SERHL2: variants seen among roughly 807,000 people sequenced by gnomAD.
SERHL2 encodes serine hydrolase like 2, also known as serine hydrolase-like protein 2.
Under a neutral mutation model 25.5 loss-of-function variants are expected in SERHL2, and 29 were observed. The ratio of observed to expected loss-of-function variants is 1.14; its 90% CI spans 0.85 to 1.55. The LOEUF is 1.55. Ranked by LOEUF, SERHL2 falls within the 40% of genes most tolerant of loss-of-function variation. The pLI is 0.00. For synonymous variants in SERHL2, 95 were observed against 103.5 expected (o/e 0.92, Z 0.50); for missense variants, 240 against 252.3 (o/e 0.95, Z 0.33).
chr22:42,572,510 T>C lies in SERHL2; in HGVS notation c.806T>C (p.Met269Thr), dbSNP rs750325059. ...KESLSFMIDTMKSTLKEQFQF... is the reference protein window; with the variant it reads ...KESLSFMIDTTKSTLKEQFQF... ...TCCCTGTCGTTCATGATAGACACGA[T>C]GAAATCCACCCTCAAAGAGGTAAGA... The change falls in exon 11 of 12, where the codon ATG becomes ACG. Residue 269 changes from methionine to threonine, a missense_variant. By Grantham distance (81) the Met-to-Thr change is moderately conservative (BLOSUM62 -1). Coordinates refer to ENST00000327678, the MANE Select transcript of SERHL2 (RefSeq NM_014509.5). The C allele has an allele frequency of 7.4e-6, 12 of 1,611,664 alleles. No homozygotes were observed. Among genetic ancestry groups the C allele is most frequent in the African/African-American group, 1.3e-5 (1 of 75,026 alleles).
At chr22:42,564,742 G>A (rs964891141) in intron 8 of SERHL2, among the ~76,000 whole-genome samples, 42 of 151,988 alleles carry the variant, frequency 2.8e-4, no homozygotes, top group East Asian at 1.5e-3. Flanking sequence ...GAGGATTTTC[G>A]CATCTGACGG....
rs1007816764 is a variant in SERHL2, at chr22:42,567,589, G to A, written c.648+1251G>A. Among the ~76,000 whole-genome samples, 5 of 151,464 alleles carry A rather than the reference G, an allele frequency of 3.3e-5. 1 individual carries two copies. The highest frequency in any genetic ancestry group is 6.6e-5 in the Admixed American group (1 of 15,222). ...TGAGGCAGGAGAATGGCGTGAACCC[G>A]GGAAGCAGAGCTTGCAGTGAGCCGA... On this transcript the variant is annotated intron_variant, in intron 9 of 11. Coordinates refer to ENST00000327678, the MANE Select transcript of SERHL2 (RefSeq NM_014509.5).
chr22:42,568,525 T>C lies in SERHL2; in HGVS notation c.648+2187T>C, dbSNP rs571429209. Among the ~76,000 whole-genome samples the C allele has an allele frequency of 2.2e-3, 336 of 152,000 alleles. 3 individuals are homozygous for C. Among genetic ancestry groups the C allele is most frequent in the African/African-American group, 7.8e-3 (324 of 41,522 alleles). ...ATGTCTTATGTGACCTGTTCTGTAG[T>C]GGGAGCTGTGATCACCCATAATGCT... On this transcript the variant is annotated intron_variant, in intron 9 of 11. Coordinates refer to ENST00000327678, the MANE Select transcript of SERHL2 (RefSeq NM_014509.5).
In SERHL2 at chr22:42,560,284, C is replaced by T. The variant is rs371875204; in HGVS notation, c.613+19C>T. The T allele has an allele frequency of 3.2e-6, 5 of 1,565,346 alleles. No homozygotes were observed. Among genetic ancestry groups the T allele is most frequent in the African/African-American group, 2.7e-5 (2 of 74,008 alleles). The stretch of plus-strand genomic sequence containing the variant: ...GCCACAGGTAAGGGACTCTACTGTC[C>T]AAGGCCATTTTATATTTGTCACTAT... On this transcript the variant is annotated intron_variant, in intron 8 of 11. Transcript: ENST00000327678.
intron 11 of SERHL2, among the ~76,000 whole-genome samples, chr22:42,573,061 TAGGCAGA>T (rs1924461855): frequency 6.6e-6 from 1 of 151,798 alleles, no homozygotes; most frequent in Non-Finnish European, 1.5e-5. Context: ...GTGCTGGCTG[TAGGCAGA>T]GGTGGCTTTT....
Position 42,568,091 on chromosome 22 carries a change from T to C in SERHL2, c.648+1753T>C, listed in dbSNP as rs568375124. Among the ~76,000 whole-genome samples, 384 of 151,954 alleles carry C rather than the reference T, an allele frequency of 2.5e-3. 2 individuals carry two copies. The highest frequency in any genetic ancestry group is 6.6e-3 in the African/African-American group (275 of 41,536). On this transcript the variant is annotated intron_variant, in intron 9 of 11. Transcript: ENST00000327678. ...CCGGACTGGAGTGCCATGGCTCAAT[T>C]ATGGCTCACACAGCTTCAACCTCCT...
intron 8 of SERHL2, among the ~76,000 whole-genome samples, chr22:42,562,178 C>T (rs555580460): frequency 6.6e-6 from 1 of 151,894 alleles, no homozygotes; most frequent in South Asian, 2.1e-4. Context: ...AGACAGTACC[C>T]AGCCAGAACC....
At chr22:42,556,764 C>T in intron 6 of SERHL2, 176 bp downstream of exon 6, 1 of 842,408 alleles carries the variant, frequency 1.2e-6, no homozygotes, top group Admixed American at 2.9e-5. Context: ...TGCTTATACC[C>T]CTAGCAGTGG....
Position 42,566,498 on chromosome 22 carries a change from T to C in SERHL2, c.648+160T>C, listed in dbSNP as rs570655530. ...GCTTGAATGGGAGGCAGAGGTTGCA[T>C]TGAGCCGAGATAGCACCACTGCACT... On this transcript the variant is annotated intron_variant, in intron 9 of 11. Transcript: ENST00000327678. Among the ~76,000 whole-genome samples the C allele has an allele frequency of 9.9e-5, 15 of 151,486 alleles. 1 individual carries two copies. Among genetic ancestry groups the C allele is most frequent in the East Asian group, 9.7e-4 (5 of 5,148 alleles).
At chr22:42,570,374 C>T (rs572525147) in intron 9 of SERHL2, among the ~76,000 whole-genome samples, 7 of 152,080 alleles carry the variant, frequency 4.6e-5, no homozygotes, top group East Asian at 1.9e-4. Context: ...ACTGAGATCG[C>T]GCCATTGCAT....
intron 8 of SERHL2, among the ~76,000 whole-genome samples, chr22:42,562,199 T>C (rs1922769139): frequency 6.6e-6 from 1 of 151,708 alleles, no homozygotes; most frequent in Non-Finnish European, 1.5e-5. Flanking sequence ...CCCCACCCAG[T>C]GCCTCAAGGA....
chr22:42,567,433 G>A (rs1287532633), intron 9 of SERHL2, among the ~76,000 whole-genome samples: 2 of 151,974 alleles, frequency 1.3e-5, no homozygotes, highest in East Asian at 3.9e-4. Flanking sequence ...GGGAGGCCGA[G>A]GCGGGTGGAT....
chr22:42,563,456 G>C (rs942394855), intron 8 of SERHL2: 1 of 442,498 alleles, frequency 2.3e-6, no homozygotes, highest in Non-Finnish European at 4.5e-6. Context: ...CTACTGACTC[G>C]ACCTCCCAAA....
intron 8 of SERHL2, among the ~76,000 whole-genome samples, chr22:42,561,034 G>C (rs995611768): frequency 6.6e-6 from 1 of 151,788 alleles, no homozygotes; most frequent in Admixed American, 6.5e-5. Flanking sequence ...CACAAATGGC[G>C]CCCCCTGGAG....
At chr22:42,560,582 C>A (rs1051589011) in intron 8 of SERHL2, among the ~76,000 whole-genome samples, 6 of 151,912 alleles carry the variant, frequency 3.9e-5, no homozygotes, top group Non-Finnish European at 8.8e-5. Flanking sequence ...GGGTGCCCAG[C>A]GCCAGAGGCA....
chr22:42,554,129 C>T, intron 1 of SERHL2, 87 bp downstream of exon 1: 2 of 1,484,618 alleles, frequency 1.3e-6, no homozygotes, highest in South Asian at 2.3e-5. Flanking sequence ...GTGGAGGGTT[C>T]GCCGACCGCG....
chr22:42,572,458 T>G lies in SERHL2; in HGVS notation c.754T>G (p.Ser252Ala), dbSNP rs1137257. Reference sequence around the variant, plus strand: ...CAGAGCAGTCCACGGATATTTTGATTCAAGACAGAATTACTCTGAGAAGGA... The same window carrying G: ...CAGAGCAGTCCACGGATATTTTGATGCAAGACAGAATTACTCTGAGAAGGA... ...LIKAVHGYFD[S>A]RQNYSEKESL... Residue 252 changes from serine (S) to alanine (A), a missense_variant, in exon 11 of 12, where the codon TCA (serine) becomes GCA (alanine). Physicochemically the swap from Ser to Ala is moderately conservative, Grantham distance 99. Coordinates refer to ENST00000327678, the MANE Select transcript of SERHL2 (RefSeq NM_014509.5). 8.7e-6 allele frequency: 14 copies of G among 1,611,370 alleles called. No homozygotes were observed. Among genetic ancestry groups the G allele is most frequent in the Non-Finnish European group, 1.2e-5 (14 of 1,177,874 alleles).
In SERHL2 at chr22:42,560,241, A is replaced by C; in HGVS notation, c.589A>C (p.Arg197=). The part of the protein sequence containing the change: ...SEECGELLLQ[R]GTTKVATGLV... ...GGAGTGCGGGGAGCTTCTCCTGCAA[A>C]GAGGAACCACGAAGGTGGCCACAGG... The change falls in exon 8 of 12, where the codon AGA becomes CGA. Residue 197 remains arginine (R), a synonymous_variant. Transcript: ENST00000327678. 6.2e-7 allele frequency: 1 copy of C among 1,612,650 alleles called. No homozygotes were observed. Among genetic ancestry groups the C allele is most frequent in the Non-Finnish European group, 8.5e-7 (1 of 1,178,912 alleles).
rs1301471124 is a variant in SERHL2 at position 42,574,118 on chromosome 22, T to C, written c.*63T>C. 3 of 1,480,686 alleles carry C rather than the reference T, an allele frequency of 2.0e-6. No individual in the cohort carries two copies. The highest frequency in any genetic ancestry group is 1.2e-5 in the South Asian group (1 of 85,564). The allele number at this position is 1,480,686 out of a possible 1,614,324, so 91.7% of individuals were successfully genotyped here. A position where few individuals can be genotyped will look rare whatever the true frequency, so the allele number is the denominator to read the frequency against. On this transcript the variant is annotated 3_prime_UTR_variant, in exon 12 of 12. Coordinates refer to ENST00000327678, the MANE Select transcript of SERHL2 (RefSeq NM_014509.5). ...ACTCAACACTGGGACTCTGAGTTCC[T>C]GAGCCCCACAACAAGGCCAGGGATG...
Sources: gnomAD v4.1 joint callset for allele counts (sites outside exome capture counted in the v4.1 genomes callset) on GRCh38, gnomAD v4.1.1 for gene constraint, MANE v1.5 for transcripts, NCBI Gene and HGNC (gene_info 2026-07-23, HGNC 2026-07-21) for gene names.